Variants in TBC1D19 observed in about 807,000 individuals in gnomAD.
TBC1D19 encodes TBC1 domain family, member 19.
Under a neutral mutation model 89.0 loss-of-function variants are expected in TBC1D19, and 60 were observed. The observed-to-expected ratio is 0.67, with a 90% CI of 0.55 to 0.84. TBC1D19 has a LOEUF of 0.84. TBC1D19 is among the 40% of genes least tolerant of loss of function. The pLI is 0.00. For missense variants in TBC1D19, 500 were observed against 610.8 expected (o/e 0.82, Z 1.91); for synonymous variants, 189 against 199.7 (o/e 0.95, Z 0.45).
chr4:26,710,075 C>G (rs184334414), intron 13 of TBC1D19, among the ~76,000 whole-genome samples: 2 of 152,048 alleles, frequency 1.3e-5, no homozygotes, highest in African/African-American at 4.8e-5. Flanking sequence ...CACATGTGCA[C>G]AATGTGCAGG....
the TBC1D19 span, among the ~76,000 whole-genome samples, chr4:26,842,395 A>AGT: frequency 3.4e-5 from 4 of 117,034 alleles, no homozygotes; most frequent in African/African-American, 1.3e-4. Flanking sequence ...CCCAGGCTGG[A>AGT]GTGCAGTGGT....
At chr4:26,786,451 G>A in the TBC1D19 span, among the ~76,000 whole-genome samples, 1 of 152,100 alleles carries the variant, frequency 6.6e-6, no homozygotes, top group Non-Finnish European at 1.5e-5. Context: ...TGGCCAACAC[G>A]GTGAAACCCC....
In TBC1D19 at chr4:26,715,493, T is replaced by G. The variant is rs146870362; in HGVS notation, c.955-2440T>G. 3.6e-4 allele frequency among the ~76,000 whole-genome samples: 55 copies of G among 152,172 alleles called. No homozygotes were observed. In the East Asian group the frequency reaches 0.01, roughly 28 times the overall value. On this transcript the variant is annotated intron_variant, in intron 13 of 20. Coordinates refer to ENST00000264866, the MANE Select transcript of TBC1D19 (RefSeq NM_018317.4). Reference sequence around the variant, plus strand: ...ATACCAAAGGATTATTAGCGAGTGCTCTTGGAATCAACACATGTATAAGTG... The same window carrying G: ...ATACCAAAGGATTATTAGCGAGTGCGCTTGGAATCAACACATGTATAAGTG...
At chr4:26,719,048 C>T (rs954821111) in intron 14 of TBC1D19, among the ~76,000 whole-genome samples, 1 of 152,018 alleles carries the variant, frequency 6.6e-6, no homozygotes, top group African/African-American at 2.4e-5. Flanking sequence ...TCCACCAACC[C>T]ATCATCTATT....
the TBC1D19 span, among the ~76,000 whole-genome samples, chr4:26,800,652 T>A: frequency 1.3e-5 from 2 of 152,202 alleles, no homozygotes; most frequent in Non-Finnish European, 2.9e-5. Flanking sequence ...TTTCTCCACA[T>A]CCTCTCCAGC....
At chr4:26,845,269 T>C in the TBC1D19 span, among the ~76,000 whole-genome samples, 1 of 152,228 alleles carries the variant, frequency 6.6e-6, no homozygotes, top group African/African-American at 2.4e-5. Flanking sequence ...TAAACATCTT[T>C]ACTTAAATTT....
intron 13 of TBC1D19, among the ~76,000 whole-genome samples, chr4:26,693,076 A>T (rs530474231): frequency 6.6e-6 from 1 of 151,334 alleles, no homozygotes; most frequent in African/African-American, 2.4e-5. Flanking sequence ...CAGTGAGCCA[A>T]GATTGCACCA....
the TBC1D19 span, among the ~76,000 whole-genome samples, chr4:26,774,230 C>T: frequency 6.6e-6 from 1 of 152,200 alleles, no homozygotes; most frequent in Non-Finnish European, 1.5e-5. Context: ...ATTGCTTATA[C>T]CATCATAGTA....
the TBC1D19 span, among the ~76,000 whole-genome samples, chr4:26,843,578 T>A: frequency 1.3e-4 from 20 of 151,510 alleles, no homozygotes; most frequent in Non-Finnish European, 2.4e-4. Context: ...CCAAACTAAA[T>A]TTTAAACTTT....
chr4:26,688,015 C>T (rs1365677314), intron 12 of TBC1D19, among the ~76,000 whole-genome samples: 4 of 152,020 alleles, frequency 2.6e-5, no homozygotes, highest in Admixed American at 1.3e-4. Context: ...GGGGCCAGAT[C>T]GTTATGGTTG....
At chr4:26,604,066 T>G in intron 1 of TBC1D19, among the ~76,000 whole-genome samples, 1 of 152,124 alleles carries the variant, frequency 6.6e-6, no homozygotes, top group Admixed American at 6.5e-5. Context: ...ATGGTATCTG[T>G]TTTTTTGGAC....
At chr4:26,760,195 C>A (rs1027901843), downstream of TBC1D19, among the ~76,000 whole-genome samples, 2 of 152,164 alleles carry the variant, frequency 1.3e-5, no homozygotes, top group African/African-American at 4.8e-5. Flanking sequence ...TATTTTCATA[C>A]TTATTTGCCA....
intron 18 of TBC1D19, among the ~76,000 whole-genome samples, chr4:26,745,909 AT>A (rs771428993): frequency 6.6e-6 from 1 of 152,146 alleles, no homozygotes; most frequent in Non-Finnish European, 1.5e-5. Flanking sequence ...GGAAGAAGTG[AT>A]ATCAATCCTT....
chr4:26,674,435 C>T (rs1712606384), intron 11 of TBC1D19, among the ~76,000 whole-genome samples: 1 of 152,012 alleles, frequency 6.6e-6, no homozygotes, highest in Admixed American at 6.6e-5. Flanking sequence ...CTATGTAAGA[C>T]ATTGATTCTT....
At chr4:26,821,400 G>T in the TBC1D19 span, among the ~76,000 whole-genome samples, 14 of 152,338 alleles carry the variant, frequency 9.2e-5, no homozygotes, top group East Asian at 2.7e-3. Flanking sequence ...CAAATGTAAT[G>T]AAATTTTTCT....
the TBC1D19 span, among the ~76,000 whole-genome samples, chr4:26,834,599 A>AT: frequency 1.3e-5 from 2 of 152,056 alleles, no homozygotes; most frequent in African/African-American, 4.8e-5. Flanking sequence ...TTGAGGAAAG[A>AT]TGTGCAAAGA....
intron 1 of TBC1D19, among the ~76,000 whole-genome samples, chr4:26,589,882 T>C (rs182183735): frequency 1.7e-3 from 258 of 152,298 alleles, no homozygotes; most frequent in African/African-American, 6.0e-3. Context: ...TTTATGCTTG[T>C]CCTGCAGTGG....
chr4:26,641,118 C>T lies in TBC1D19; in HGVS notation c.480+931C>T, dbSNP rs144348254. Among the ~76,000 whole-genome samples the T allele has an allele frequency of 7.7e-3, 1,178 of 152,338 alleles. 10 individuals carry two copies. Among genetic ancestry groups the T allele is most frequent in the African/African-American group, 0.027 (1,111 of 41,584 alleles). ...CCTCCTCAAGTGGGTCCCTGACCCC[C>T]GTGTAGCCTAACTTGGAGACATCTC... On this transcript the variant is annotated intron_variant, in intron 7 of 20. Coordinates refer to ENST00000264866, the MANE Select transcript of TBC1D19 (RefSeq NM_018317.4).
chr4:26,842,145 G>A, the TBC1D19 span, among the ~76,000 whole-genome samples: 1 of 151,734 alleles, frequency 6.6e-6, no homozygotes, highest in Non-Finnish European at 1.5e-5. Context: ...TGTATACCTG[G>A]TTCTGCCCAG....
Sources: gnomAD v4.1 joint callset for allele counts (sites outside exome capture counted in the v4.1 genomes callset) on GRCh38, gnomAD v4.1.1 for gene constraint, MANE v1.5 for transcripts, NCBI Gene and HGNC (gene_info 2026-07-23, HGNC 2026-07-21) for gene names.